CRTC3: variants seen among roughly 807,000 people sequenced by gnomAD.
The protein encoded by CRTC3 is CREB regulated transcription coactivator 3, also known as CREB-regulated transcription coactivator 3.
CRTC3 carries 26 observed loss-of-function variants against 74.5 expected under a neutral mutation model. The observed-to-expected ratio is 0.35, with a 90% confidence interval of 0.26 to 0.48. CRTC3 has a LOEUF of 0.48. CRTC3 is among the 20% of genes least tolerant of loss of function. The probability of loss-of-function intolerance (pLI) is 0.99; values close to 1 mark genes in which losing one functional copy is unlikely to be tolerated. For synonymous variants in CRTC3, 377 were observed against 325.8 expected (o/e 1.16, Z -1.69); for missense variants, 760 against 787.3 (o/e 0.97, Z 0.41).
intron 2 of CRTC3, among the ~76,000 whole-genome samples, chr15:90,591,638 G>A (rs1057448042): frequency 2.0e-5 from 3 of 152,124 alleles, no homozygotes; most frequent in Non-Finnish European, 4.4e-5. Flanking sequence ...CCAAAATGGC[G>A]AGACCTTGTC....
chr15:90,610,712 A>C (rs977896916), intron 6 of CRTC3, among the ~76,000 whole-genome samples: 1 of 152,196 alleles, frequency 6.6e-6, no homozygotes, highest in African/African-American at 2.4e-5. Flanking sequence ...TCACACTTAC[A>C]TGCAGATAGG....
In CRTC3 at chr15:90,546,392, T is replaced by G. The variant is rs552868587; in HGVS notation, c.231+6255T>G. 3.9e-5 allele frequency among the ~76,000 whole-genome samples: 6 copies of G among 152,312 alleles called. No individual in the cohort carries two copies. The East Asian group carries it at 9.6e-4, about 24-fold the overall frequency. On this transcript the variant is annotated intron_variant, in intron 2 of 14. Transcript: ENST00000268184. The stretch of plus-strand genomic sequence containing the variant: ...TCCGGACTCTTCTGTGTCATTGGTT[T>G]CTTTGTCTATCATTTTGCTAATACC...
Position 90,625,862 on chromosome 15 carries a change from A to T in CRTC3, c.836A>T (p.Asn279Ile). The change falls in exon 10 of 15, where the codon AAC becomes ATC. Residue 279 changes from asparagine to isoleucine, a missense_variant. Around this residue, in one of 2 missense-constraint regions of CRTC3, gnomAD observed 652 missense variants for 635.2 expected, o/e 1.03. Coordinates refer to ENST00000268184, the MANE Select transcript of CRTC3 (RefSeq NM_022769.5). ...GGAGGGTCATTGCCAGATCTAACCA[A>T]CCTCCACTACTCGACACCCCTGCCA... ...NTGGSLPDLT[N>I]LHYSTPLPAS... The T allele has an allele frequency of 2.5e-6, 4 of 1,613,928 alleles. No homozygotes were observed. Among genetic ancestry groups the T allele is most frequent in the Non-Finnish European group, 3.4e-6 (4 of 1,179,962 alleles).
intron 3 of CRTC3, chr15:90,598,548 A>G (rs1967989012): frequency 1.4e-6 from 1 of 701,862 alleles, no homozygotes; most frequent in Admixed American, 2.0e-5. Context: ...GGAGAGAGAG[A>G]ACACACTGGG....
chr15:90,554,783 T>C (rs1012992851), intron 2 of CRTC3, among the ~76,000 whole-genome samples: 1 of 152,238 alleles, frequency 6.6e-6, no homozygotes, highest in African/African-American at 2.4e-5. Flanking sequence ...GTTTTGTTGT[T>C]ACTGCAGCAG....
intron 2 of CRTC3, among the ~76,000 whole-genome samples, chr15:90,566,102 G>A (rs1967116389): frequency 6.6e-6 from 1 of 152,166 alleles, no homozygotes; most frequent in Admixed American, 6.5e-5. Flanking sequence ...TAAGTGGTCT[G>A]GATAGATCAA....
At chr15:90,561,833 GA>G (rs1283124742) in intron 2 of CRTC3, among the ~76,000 whole-genome samples, 1 of 152,192 alleles carries the variant, frequency 6.6e-6, no homozygotes, top group African/African-American at 2.4e-5. Context: ...CCTATGTTAT[GA>G]AACAGCTAGT....
intron 2 of CRTC3, among the ~76,000 whole-genome samples, chr15:90,591,488 C>T (rs183017075): frequency 6.6e-6 from 1 of 152,248 alleles, no homozygotes; most frequent in East Asian, 1.9e-4. Flanking sequence ...CTTCTAAAGA[C>T]CCTTCTCCCC....
intron 2 of CRTC3, among the ~76,000 whole-genome samples, chr15:90,580,667 A>G (rs1349082215): frequency 6.6e-6 from 1 of 151,978 alleles, no homozygotes; most frequent in East Asian, 1.9e-4. Flanking sequence ...ACCCCAGGTG[A>G]TCCACCCGTC....
At chr15:90,634,987 A>G in intron 11 of CRTC3, 1 of 1,386,434 alleles carries the variant, frequency 7.2e-7, no homozygotes, top group South Asian at 1.2e-5. Flanking sequence ...GACAAGGATT[A>G]TTTCCTATTT....
chr15:90,569,316 CTTTT>C (rs34246683), intron 2 of CRTC3, among the ~76,000 whole-genome samples: 6,188 of 132,244 alleles, frequency 0.047, 384 homozygotes, highest in African/African-American at 0.15. Flanking sequence ...TAAACAAAAC[CTTTT>C]TTTTTTTTTT....
Position 90,606,380 on chromosome 15 carries a change from G to C in CRTC3, c.477-998G>C, listed in dbSNP as rs572585613. Among the ~76,000 whole-genome samples, 12 of 152,238 alleles carry C rather than the reference G, an allele frequency of 7.9e-5. No homozygotes were observed. In the East Asian group the frequency reaches 2.1e-3, roughly 27 times the overall value. On this transcript the variant is annotated intron_variant, in intron 5 of 14. Coordinates refer to ENST00000268184, the MANE Select transcript of CRTC3 (RefSeq NM_022769.5). ...AGTTCGAGACCAGCCTGGCCAACAT[G>C]GTGAAACCCCGTCTCTACTAAAAAT... is the stretch of plus-strand genomic sequence containing the variant.
chr15:90,633,969 A>G (rs1354320207), intron 11 of CRTC3, among the ~76,000 whole-genome samples: 1 of 151,388 alleles, frequency 6.6e-6, no homozygotes, highest in East Asian at 1.9e-4. Context: ...CACAGATGCA[A>G]TATCATCTTT....
At chr15:90,623,718 C>T (rs1968729991) in intron 9 of CRTC3, among the ~76,000 whole-genome samples, 1 of 152,190 alleles carries the variant, frequency 6.6e-6, no homozygotes, top group South Asian at 2.1e-4. Context: ...CACTGCCCAC[C>T]CCGCGTCCAG....
intron 2 of CRTC3, among the ~76,000 whole-genome samples, chr15:90,542,242 G>A (rs934082382): frequency 2.7e-5 from 4 of 149,332 alleles, no homozygotes; most frequent in East Asian, 2.0e-4. Flanking sequence ...GCAATAGCGC[G>A]ATCTCAGCTT....
At chr15:90,566,279 G>A (rs1160979132) in intron 2 of CRTC3, among the ~76,000 whole-genome samples, 1 of 152,176 alleles carries the variant, frequency 6.6e-6, no homozygotes, top group Non-Finnish European at 1.5e-5. Context: ...CCCAGGCGCA[G>A]TTTCTCATGC....
At position 90,635,007 on chromosome 15, in the gene CRTC3, G is replaced by T. The variant is rs1027912447; in HGVS notation, c.1267-3439G>T. Reference sequence around the variant, plus strand: ...GGATTATTTCCTATTTAGAGATGGTGACATTCTTGGAAAGTACATAGACTG... The same window carrying T: ...GGATTATTTCCTATTTAGAGATGGTTACATTCTTGGAAAGTACATAGACTG... On this transcript the variant is annotated intron_variant, in intron 11 of 14. Transcript: ENST00000268184. The T allele has an allele frequency of 2.3e-6, 3 of 1,280,434 alleles. No homozygotes were observed. In the African/African-American group the frequency reaches 4.3e-5, roughly 18 times the overall value. The allele number at this position is 1,280,434 out of a possible 1,614,324, so 79.3% of individuals were successfully genotyped here.
intron 2 of CRTC3, among the ~76,000 whole-genome samples, chr15:90,563,353 T>G (rs1054255033): frequency 2.6e-5 from 4 of 151,886 alleles, no homozygotes; most frequent in Non-Finnish European, 5.9e-5. Flanking sequence ...TTGCAGTGAG[T>G]AGAGATCACT....
intron 4 of CRTC3, among the ~76,000 whole-genome samples, chr15:90,603,187 T>C (rs992577880): frequency 4.6e-5 from 7 of 152,052 alleles, no homozygotes; most frequent in East Asian, 1.9e-4. Context: ...CTCATGCCTG[T>C]AATCCCAGCA....
Sources: allele counts gnomAD v4.1 joint callset (sites outside exome capture counted in the v4.1 genomes callset), GRCh38; gene constraint gnomAD v4.1.1; regional missense constraint gnomAD v4.1.1; transcripts MANE v1.5; gene names NCBI Gene and HGNC (gene_info 2026-07-23, HGNC 2026-07-21).